ZNF704: variants seen among roughly 807,000 people sequenced by gnomAD.
The protein encoded by ZNF704 is zinc finger protein 704.
ZNF704 carries 10 observed loss-of-function variants against 44.7 expected under a neutral mutation model. The ratio of observed to expected loss-of-function variants is 0.22; its 90% CI spans 0.14 to 0.38. ZNF704 has a LOEUF of 0.38. Ranked by LOEUF, ZNF704 falls within the 10% of genes least tolerant of loss-of-function variation. The pLI, the probability that ZNF704 is intolerant of heterozygous loss-of-function variation, is 1.00. For synonymous variants in ZNF704, 211 were observed against 207.6 expected (o/e 1.02, Z -0.14); for missense variants, 390 against 545.5 (o/e 0.71, Z 2.84).
At chr8:80,723,514 T>C (rs989158373) in intron 2 of ZNF704, among the ~76,000 whole-genome samples, 2 of 152,162 alleles carry the variant, frequency 1.3e-5, no homozygotes, top group African/African-American at 2.4e-5. Flanking sequence ...GAAAATGAGT[T>C]AAAACAAAAA....
chr8:80,663,517 G>C (rs1250186707), intron 6 of ZNF704, among the ~76,000 whole-genome samples: 1 of 152,106 alleles, frequency 6.6e-6, no homozygotes, highest in African/African-American at 2.4e-5. Context: ...CAGGGTTGGT[G>C]GGGGGCACAG....
intron 1 of ZNF704, among the ~76,000 whole-genome samples, chr8:80,833,348 CAA>C (rs1037086215): frequency 9.9e-5 from 15 of 150,862 alleles, no homozygotes; most frequent in African/African-American, 3.4e-4. Flanking sequence ...GACTCCGTCT[CAA>C]AAAAAAGAGA....
chr8:80,710,899 A>G (rs966687519), intron 2 of ZNF704, among the ~76,000 whole-genome samples: 1 of 152,198 alleles, frequency 6.6e-6, no homozygotes, highest in African/African-American at 2.4e-5. Context: ...GTTGAATAAG[A>G]CAACATTTTT....
intron 4 of ZNF704, among the ~76,000 whole-genome samples, chr8:80,686,234 G>C (rs1406630223): frequency 6.6e-6 from 1 of 152,172 alleles, no homozygotes; most frequent in Non-Finnish European, 1.5e-5. Flanking sequence ...CCAGTTAAAT[G>C]TACAATCAAT....
chr8:80,641,282 T>A lies in ZNF704; in HGVS notation c.*84A>T. On this transcript the variant is annotated 3_prime_UTR_variant, in exon 9 of 9. Coordinates refer to ENST00000327835, the MANE Select transcript of ZNF704 (RefSeq NM_001033723.3). ...CTGGCTTCAACTGTGTTTTATTCAG[T>A]AGGAAAAGCTCTTTCCAACACCTGC... The A allele has an allele frequency of 1.2e-6, 1 of 866,282 alleles. No individual in the cohort carries two copies. Among genetic ancestry groups the A allele is most frequent in the Non-Finnish European group, 1.8e-6 (1 of 569,500 alleles). The allele number at this position is 866,282 out of a possible 1,614,324, so 53.7% of individuals were successfully genotyped here.
chr8:80,656,027 T>C (rs538122973), intron 7 of ZNF704, among the ~76,000 whole-genome samples: 19 of 152,292 alleles, frequency 1.2e-4, no homozygotes, highest in African/African-American at 4.6e-4. Flanking sequence ...GTGGTTGTAT[T>C]TGGACATAGG....
intron 2 of ZNF704, among the ~76,000 whole-genome samples, chr8:80,779,284 C>T (rs897967636): frequency 6.6e-6 from 1 of 152,140 alleles, no homozygotes; most frequent in Non-Finnish European, 1.5e-5. Flanking sequence ...TATTCTCCCC[C>T]AGGCTGGTGT....
chr8:80,778,718 G>A (rs900153826), intron 2 of ZNF704, among the ~76,000 whole-genome samples: 4 of 152,144 alleles, frequency 2.6e-5, no homozygotes, highest in African/African-American at 4.8e-5. Flanking sequence ...ATCATGGATG[G>A]AGCTGGGGGC....
chr8:80,757,160 A>G (rs1401427212), intron 2 of ZNF704, among the ~76,000 whole-genome samples: 1 of 152,190 alleles, frequency 6.6e-6, no homozygotes, highest in Non-Finnish European at 1.5e-5. Flanking sequence ...GTATTTCAGA[A>G]GAAGGCATTG....
chr8:80,757,371 G>C (rs114878576), intron 2 of ZNF704, among the ~76,000 whole-genome samples: 1 of 151,824 alleles, frequency 6.6e-6, no homozygotes, highest in Non-Finnish European at 1.5e-5. Flanking sequence ...GAAGCTTATA[G>C]AATAAGGACG....
intron 2 of ZNF704, among the ~76,000 whole-genome samples, chr8:80,756,903 G>T (rs1378228320): frequency 1.3e-5 from 2 of 152,186 alleles, no homozygotes; most frequent in Non-Finnish European, 2.9e-5. Context: ...GCAGCAAGAA[G>T]AGTGTGCAAA....
intron 5 of ZNF704, among the ~76,000 whole-genome samples, chr8:80,667,745 G>T (rs908551829): frequency 6.6e-6 from 1 of 152,182 alleles, no homozygotes; most frequent in Non-Finnish European, 1.5e-5. Context: ...GTGATTAAGA[G>T]AATGGATTCT....
chr8:80,820,207 G>C (rs1028223348), intron 2 of ZNF704, among the ~76,000 whole-genome samples: 4 of 152,156 alleles, frequency 2.6e-5, no homozygotes, highest in Non-Finnish European at 5.9e-5. Flanking sequence ...TAGGGATAAA[G>C]CATGAACAGA....
At chr8:80,880,382 G>C in the ZNF704 span, among the ~76,000 whole-genome samples, 1 of 152,130 alleles carries the variant, frequency 6.6e-6, no homozygotes, top group Non-Finnish European at 1.5e-5. Flanking sequence ...AACATGAAAG[G>C]CCACCATATG....
intron 2 of ZNF704, among the ~76,000 whole-genome samples, chr8:80,809,242 G>A (rs1459476390): frequency 2.0e-5 from 3 of 152,174 alleles, no homozygotes; most frequent in African/African-American, 7.2e-5. Flanking sequence ...AGTAAGCTGA[G>A]ATCGTGCCAC....
intron 2 of ZNF704, among the ~76,000 whole-genome samples, chr8:80,705,047 G>T (rs959244816): frequency 6.6e-6 from 1 of 152,132 alleles, no homozygotes; most frequent in African/African-American, 2.4e-5. Flanking sequence ...TGTCACATTT[G>T]AATTGGAGGA....
At chr8:80,790,372 C>T (rs995670062) in intron 2 of ZNF704, among the ~76,000 whole-genome samples, 2 of 151,900 alleles carry the variant, frequency 1.3e-5, no homozygotes, top group African/African-American at 4.8e-5. Flanking sequence ...GATGAGTGTT[C>T]AGGAAGGGAA....
At chr8:80,743,215 A>AAT (rs1806791816) in intron 2 of ZNF704, among the ~76,000 whole-genome samples, 1 of 150,738 alleles carries the variant, frequency 6.6e-6, no homozygotes, top group South Asian at 2.1e-4. Context: ...AAAAAAAAAA[A>AAT]ATCTCCTATT....
chr8:80,839,708 C>T (rs1313986140), intron 1 of ZNF704, among the ~76,000 whole-genome samples: 1 of 152,122 alleles, frequency 6.6e-6, no homozygotes, highest in East Asian at 1.9e-4. Flanking sequence ...AGAAGAATTG[C>T]GTTAACCCCT....
Sources: allele counts gnomAD v4.1 joint callset (sites outside exome capture counted in the v4.1 genomes callset), GRCh38; gene constraint gnomAD v4.1.1; transcripts MANE v1.5; gene names NCBI Gene and HGNC (gene_info 2026-07-23, HGNC 2026-07-21).